The following PSD3 variants were observed in gnomAD, a reference collection of about 807,000 sequenced individuals.
PSD3 encodes the protein PH and SEC7 domain-containing protein 3.
Under a neutral mutation model 105.5 loss-of-function variants are expected in PSD3, and 49 were observed. The ratio of observed to expected loss-of-function variants is 0.46; its 90% CI spans 0.37 to 0.59. The LOEUF is 0.59. Ranked by LOEUF, PSD3 falls within the 20% of genes least tolerant of loss-of-function variation. The probability of loss-of-function intolerance (pLI) is 0.00; values close to 1 mark genes in which losing one functional copy is unlikely to be tolerated. For missense variants in PSD3, 1,561 were observed against 1,263.8 expected (o/e 1.24, Z -3.57); for synonymous variants, 557 against 457.8 (o/e 1.22, Z -2.77).
chr8:18,856,298 C>G (rs1816002775), intron 4 of PSD3, among the ~76,000 whole-genome samples: 1 of 152,146 alleles, frequency 6.6e-6, no homozygotes, highest in Non-Finnish European at 1.5e-5. Flanking sequence ...TCTGATCTGC[C>G]TGTTTGGGAG....
intron 9 of PSD3, 128 bp downstream of exon 9, chr8:18,765,321 A>G: frequency 1.3e-6 from 1 of 764,878 alleles, no homozygotes; most frequent in Non-Finnish European, 2.2e-6. Flanking sequence ...GGCTTAAAAG[A>G]AACATCACCA....
chr8:18,695,946 G>A (rs749317163), intron 9 of PSD3, among the ~76,000 whole-genome samples: 44 of 152,172 alleles, frequency 2.9e-4, no homozygotes, highest in Non-Finnish European at 4.1e-4. Flanking sequence ...TAACAGGAAC[G>A]GGGGGAATGC....
chr8:19,002,598 T>C (rs1475277232), intron 1 of PSD3, among the ~76,000 whole-genome samples: 1 of 152,112 alleles, frequency 6.6e-6, no homozygotes, highest in Non-Finnish European at 1.5e-5. Context: ...AATAAAACCA[T>C]GTAGCATTTG....
intron 10 of PSD3, among the ~76,000 whole-genome samples, chr8:18,653,980 A>G (rs1433278314): frequency 6.6e-6 from 1 of 152,090 alleles, no homozygotes; most frequent in Non-Finnish European, 1.5e-5. Context: ...CCTTCACAAA[A>G]TTTTCCTATG....
chr8:18,838,905 A>G (rs1814381178), intron 4 of PSD3, among the ~76,000 whole-genome samples: 1 of 151,770 alleles, frequency 6.6e-6, no homozygotes, highest in Non-Finnish European at 1.5e-5. Context: ...CTGCATTTCA[A>G]AAGGTTTTGC....
intron 15 of PSD3, among the ~76,000 whole-genome samples, chr8:18,546,797 C>T (rs1026508704): frequency 5.3e-5 from 8 of 152,140 alleles, no homozygotes; most frequent in Non-Finnish European, 5.9e-5. Context: ...CCTCCAACCC[C>T]CACCTCAACC....
chr8:19,029,219 A>AT (rs1185943749), intron 1 of PSD3, among the ~76,000 whole-genome samples: 1 of 152,206 alleles, frequency 6.6e-6, no homozygotes, highest in Non-Finnish European at 1.5e-5. Context: ...GTCAATTGGG[A>AT]TGGCACTGAA....
In PSD3 at chr8:18,532,383, A is replaced by T. The variant is rs565102544; in HGVS notation, c.*3360T>A. 3.3e-5 allele frequency: 5 copies of T among 152,324 alleles called. No individual in the cohort carries two copies. In the South Asian group the frequency reaches 1.0e-3, roughly 32 times the overall value. 9.4% of individuals were successfully genotyped at this position (152,324 alleles called of 1,614,324 possible). Reference sequence around the variant, plus strand: ...TTTCCTCTTCCAGAGTAAATTCCTCATGTCACTTTTGCCCAGGGGCCAGTC... The same window carrying T: ...TTTCCTCTTCCAGAGTAAATTCCTCTTGTCACTTTTGCCCAGGGGCCAGTC... On this transcript the variant is annotated 3_prime_UTR_variant, in exon 16 of 16. Coordinates refer to ENST00000327040, the MANE Select transcript of PSD3 (RefSeq NM_015310.4).
intron 10 of PSD3, among the ~76,000 whole-genome samples, chr8:18,641,719 G>C (rs1371123227): frequency 1.3e-5 from 2 of 152,164 alleles, no homozygotes; most frequent in South Asian, 4.1e-4. Flanking sequence ...AAAGGTGGTG[G>C]TTGAATGCAG....
At chr8:18,852,718 T>C (rs567016657) in intron 4 of PSD3, among the ~76,000 whole-genome samples, 16 of 152,280 alleles carry the variant, frequency 1.1e-4, no homozygotes, top group African/African-American at 3.6e-4. Flanking sequence ...AGCCCTGATG[T>C]GTTTACAGTG....
chr8:18,944,889 C>A (rs1231658317), intron 1 of PSD3, among the ~76,000 whole-genome samples: 1 of 152,172 alleles, frequency 6.6e-6, no homozygotes. Context: ...TCTCACGCCA[C>A]AGAATGTTCC....
intron 1 of PSD3, among the ~76,000 whole-genome samples, chr8:18,973,253 G>A (rs1406070351): frequency 6.6e-6 from 1 of 152,184 alleles, no homozygotes; most frequent in Non-Finnish European, 1.5e-5. Context: ...CTCAAGATGG[G>A]GATGATGACA....
intron 11 of PSD3, among the ~76,000 whole-genome samples, chr8:18,627,901 C>G (rs575320697): frequency 6.6e-6 from 1 of 151,114 alleles, no homozygotes; most frequent in African/African-American, 2.4e-5. Flanking sequence ...AAGAGAAGAA[C>G]CTTAAAAAAG....
At chr8:18,632,357 G>T (rs1806964091) in intron 11 of PSD3, among the ~76,000 whole-genome samples, 1 of 152,028 alleles carries the variant, frequency 6.6e-6, no homozygotes, top group African/African-American at 2.4e-5. Flanking sequence ...TTGAAGCCAT[G>T]ACTAAATAAA....
intron 1 of PSD3, among the ~76,000 whole-genome samples, chr8:18,936,389 T>C (rs971894869): frequency 1.3e-5 from 2 of 151,918 alleles, no homozygotes; most frequent in South Asian, 4.1e-4. Context: ...CAGAGGAAAA[T>C]AAAAAGGATG....
intron 15 of PSD3, among the ~76,000 whole-genome samples, chr8:18,547,287 C>G (rs764392376): frequency 8.5e-5 from 13 of 152,204 alleles, no homozygotes; most frequent in Admixed American, 5.2e-4. Context: ...GAGGGATGCA[C>G]AACTTGTGCT....
intron 1 of PSD3, among the ~76,000 whole-genome samples, chr8:18,961,839 A>C (rs1212481685): frequency 6.6e-6 from 1 of 152,190 alleles, no homozygotes; most frequent in African/African-American, 2.4e-5. Context: ...AATCCTGGCC[A>C]AAAGTATGTG....
rs1347831736 is a variant in PSD3 at position 18,774,492 on chromosome 8, C to T, written c.2083-8954G>A. The T allele has an allele frequency of 1.7e-5, 4 of 232,146 alleles. No homozygotes were observed. The East Asian group carries it at 5.1e-4, about 30-fold the overall frequency. The allele number at this position is 232,146 out of a possible 1,614,324, so 14.4% of individuals were successfully genotyped here. On this transcript the variant is annotated intron_variant, in intron 8 of 15. Coordinates refer to ENST00000327040, the MANE Select transcript of PSD3 (RefSeq NM_015310.4). ...GTTCCTTCTAACTGTATTTTTGTGC[C>T]CATTAACCTAACACCTTTTTTTTTC... is the stretch of plus-strand genomic sequence containing the variant.
chr8:18,730,551 T>C (rs1385934509), intron 9 of PSD3, among the ~76,000 whole-genome samples: 1 of 152,210 alleles, frequency 6.6e-6, no homozygotes, highest in African/African-American at 2.4e-5. Context: ...AAAGATACAC[T>C]ATATCCATTG....
Sources: gnomAD v4.1 joint callset for allele counts (sites outside exome capture counted in the v4.1 genomes callset) on GRCh38, gnomAD v4.1.1 for gene constraint, MANE v1.5 for transcripts, NCBI Gene and HGNC (gene_info 2026-07-23, HGNC 2026-07-21) for gene names.